The following CYB5R4 variants were observed in gnomAD, a reference collection of about 807,000 sequenced individuals.
CYB5R4 encodes N-terminal cytochrome b5 and cytochrome b5 oxidoreductase domain-containing protein.
CYB5R4 carries 55 observed loss-of-function variants against 70.2 expected under a neutral mutation model. The observed-to-expected ratio is 0.78, with a 90% CI of 0.63 to 0.98. CYB5R4 has a LOEUF of 0.98. CYB5R4 is among the 50% of genes least tolerant of loss of function. CYB5R4 has a pLI of 0.00. For missense variants in CYB5R4, 562 were observed against 612.6 expected (o/e 0.92, Z 0.87); for synonymous variants, 197 against 199.5 (o/e 0.99, Z 0.11).
chr6:83,861,703 G>A (rs1266833436), intron 1 of CYB5R4, among the ~76,000 whole-genome samples: 1 of 152,206 alleles, frequency 6.6e-6, no homozygotes, highest in Non-Finnish European at 1.5e-5. Context: ...TTCCTGCCTT[G>A]TGCCCTGAGC....
At chr6:83,933,940 A>G (rs1293332948) in intron 10 of CYB5R4, among the ~76,000 whole-genome samples, 1 of 152,234 alleles carries the variant, frequency 6.6e-6, no homozygotes, top group Non-Finnish European at 1.5e-5. Flanking sequence ...TGACAGTTAA[A>G]ATGTTCTCTA....
intron 14 of CYB5R4, among the ~76,000 whole-genome samples, chr6:83,952,031 A>G (rs2099471616): frequency 6.6e-6 from 1 of 152,186 alleles, no homozygotes; most frequent in South Asian, 2.1e-4. Flanking sequence ...TGATGACATT[A>G]ACACTGACAG....
At chr6:83,919,002 T>A (rs1477230204) in intron 6 of CYB5R4, among the ~76,000 whole-genome samples, 1 of 152,166 alleles carries the variant, frequency 6.6e-6, no homozygotes, top group Non-Finnish European at 1.5e-5. Context: ...AGTTCATTTC[T>A]TCACTACTAA....
At chr6:83,946,328 G>A (rs1338177113) in intron 14 of CYB5R4, among the ~76,000 whole-genome samples, 2 of 152,170 alleles carry the variant, frequency 1.3e-5, no homozygotes, top group Non-Finnish European at 2.9e-5. Flanking sequence ...AAAACCACGT[G>A]ATGATCTCAA....
chr6:83,961,321 T>A lies in CYB5R4; in HGVS notation c.*1443T>A, dbSNP rs2099473305. 1 of 152,158 alleles carries A rather than the reference T, an allele frequency of 6.6e-6. No homozygotes were observed. 9.4% of individuals were successfully genotyped at this position (152,158 alleles called of 1,614,324 possible). A position where few individuals can be genotyped will look rare whatever the true frequency, so the allele number is the denominator to read the frequency against. ...TAGCTTCATGCCTTCCCCCTACTTA[T>A]TTTTTTCCATCTAAGGGTGAGGTGA... is the stretch of plus-strand genomic sequence containing the variant. On this transcript the variant is annotated 3_prime_UTR_variant, in exon 16 of 16. Transcript: ENST00000369681.
At chr6:83,934,117 T>C (rs1482044832) in intron 10 of CYB5R4, among the ~76,000 whole-genome samples, 1 of 152,068 alleles carries the variant, frequency 6.6e-6, no homozygotes, top group Non-Finnish European at 1.5e-5. Context: ...GATTTTAGAA[T>C]GTACCGTGGC....
Position 83,934,845 on chromosome 6 carries a change from G to A in CYB5R4, c.955+110G>A. ...TTTAAGTTATTAATAAATGTTTCCA[G>A]GCAGCTAGATTTAGTGATAGTCAGA... On this transcript the variant is annotated intron_variant, in intron 11 of 15. Transcript: ENST00000369681. 4 of 1,028,342 alleles carry A rather than the reference G, an allele frequency of 3.9e-6. No individual in the cohort carries two copies. The South Asian group carries it at 7.5e-5, about 19-fold the overall frequency. The allele number at this position is 1,028,342 out of a possible 1,614,324, so 63.7% of individuals were successfully genotyped here.
chr6:83,909,138 A>ATT, intron 4 of CYB5R4, 48 bp downstream of exon 4: 1 of 1,477,528 alleles, frequency 6.8e-7, no homozygotes, highest in East Asian at 2.3e-5. Context: ...GTGCACATGT[A>ATT]TTTTTTTTTA....
intron 2 of CYB5R4, among the ~76,000 whole-genome samples, chr6:83,872,090 T>C (rs1220370876): frequency 1.3e-5 from 2 of 152,218 alleles, no homozygotes; most frequent in Non-Finnish European, 2.9e-5. Flanking sequence ...AGAGATAGTC[T>C]GCAGTAACTC....
intron 12 of CYB5R4, among the ~76,000 whole-genome samples, chr6:83,938,233 A>T (rs1010816440): frequency 2.0e-5 from 3 of 152,214 alleles, no homozygotes; most frequent in Admixed American, 6.5e-5. Context: ...GCATGATTGT[A>T]ATAAAGTAAG....
chr6:83,864,228 T>C lies in CYB5R4; in HGVS notation c.129T>C (p.Ser43=). Residue 43 remains serine, a synonymous_variant, in exon 2 of 16, where the codon AGT becomes AGC. Coordinates refer to ENST00000369681, the MANE Select transcript of CYB5R4 (RefSeq NM_016230.4). The part of the protein sequence containing the change: ...SLMDWIRLTK[S]GKDLTGLKGR... ...TGGATTGGATTCGACTGACCAAAAG[T>C]GGAAAGGATCTAACGGGATTAAAAG... The C allele has an allele frequency of 6.2e-7, 1 of 1,612,972 alleles. No individual in the cohort carries two copies. The highest frequency in any genetic ancestry group is 8.5e-7 in the Non-Finnish European group (1 of 1,179,502).
At chr6:83,868,480 G>A (rs1440871339) in intron 2 of CYB5R4, among the ~76,000 whole-genome samples, 1 of 152,056 alleles carries the variant, frequency 6.6e-6, no homozygotes, top group African/African-American at 2.4e-5. Context: ...GCATCAGTTT[G>A]GAATGATCTC....
At chr6:83,865,583 T>C (rs1300540576) in intron 2 of CYB5R4, among the ~76,000 whole-genome samples, 1 of 152,138 alleles carries the variant, frequency 6.6e-6, no homozygotes, top group Admixed American at 6.5e-5. Flanking sequence ...TGTGGTCAGA[T>C]TTTCTGTTTT....
chr6:83,873,105 AT>A (rs1179903131), intron 2 of CYB5R4, among the ~76,000 whole-genome samples: 4 of 152,116 alleles, frequency 2.6e-5, no homozygotes, highest in Non-Finnish European at 5.9e-5. Context: ...ATGCTTTAGC[AT>A]TTGTGTGTGT....
intron 2 of CYB5R4, among the ~76,000 whole-genome samples, chr6:83,866,889 G>A (rs1287341821): frequency 6.6e-6 from 1 of 152,164 alleles, no homozygotes; most frequent in African/African-American, 2.4e-5. Context: ...AAAGTGCTGG[G>A]ATTACAGGCA....
intron 3 of CYB5R4, among the ~76,000 whole-genome samples, chr6:83,899,288 A>G (rs1326504041): frequency 6.6e-6 from 1 of 151,918 alleles, no homozygotes; most frequent in East Asian, 1.9e-4. Context: ...TGTATGTTGA[A>G]CCAGCCTTCC....
intron 2 of CYB5R4, among the ~76,000 whole-genome samples, chr6:83,879,113 G>A (rs2099459052): frequency 1.3e-5 from 2 of 151,912 alleles, no homozygotes; most frequent in Non-Finnish European, 2.9e-5. Context: ...TGAGCCCCAG[G>A]GGCTGAGCTT....
intron 4 of CYB5R4, 41 bp downstream of exon 4, chr6:83,909,131 C>T: frequency 6.5e-7 from 1 of 1,528,102 alleles, no homozygotes; most frequent in Non-Finnish European, 9.1e-7. Flanking sequence ...ATGTGTGGTG[C>T]ACATGTATTT....
intron 9 of CYB5R4, among the ~76,000 whole-genome samples, chr6:83,923,584 C>T (rs1362485649): frequency 1.3e-5 from 2 of 152,034 alleles, no homozygotes; most frequent in Non-Finnish European, 2.9e-5. Flanking sequence ...TTTAAATCAG[C>T]ATATGAAAGC....
Sources: gnomAD v4.1 joint callset for allele counts (sites outside exome capture counted in the v4.1 genomes callset) on GRCh38, gnomAD v4.1.1 for gene constraint, MANE v1.5 for transcripts, NCBI Gene and HGNC (gene_info 2026-07-23, HGNC 2026-07-21) for gene names.